SCFD1: variants seen among roughly 807,000 people sequenced by gnomAD.
The protein encoded by SCFD1 is sec1 family domain containing 1.
Under a neutral mutation model 103.2 loss-of-function variants are expected in SCFD1, and 37 were observed. The observed-to-expected ratio is 0.36, with a 90% CI of 0.28 to 0.47. The LOEUF (loss-of-function observed/expected upper bound fraction) is 0.47. Ranked by LOEUF, SCFD1 falls within the 20% of genes least tolerant of loss-of-function variation. SCFD1 has a pLI of 1.00. For synonymous variants in SCFD1, 264 were observed against 245.0 expected (o/e 1.08, Z -0.73); for missense variants, 639 against 761.2 (o/e 0.84, Z 1.89).
intron 14 of SCFD1, chr14:30,683,122 G>A: frequency 8.1e-7 from 1 of 1,236,070 alleles, no homozygotes. Flanking sequence ...TTTTTCCAGG[G>A]TTTGGCAGCA....
In SCFD1 at chr14:30,670,517, C is replaced by A. The variant is rs941103467; in HGVS notation, c.995+122C>A. On this transcript the variant is annotated intron_variant, in intron 11 of 24. Transcript: ENST00000458591. The stretch of plus-strand genomic sequence containing the variant: ...GGTTCGTTCACCCAATGAGTGGGGG[C>A]TGTAATTAGATAGTCTGTAGATATT... The A allele has an allele frequency of 1.7e-5, 10 of 580,154 alleles. No homozygotes were observed. In the African/African-American group the frequency reaches 2.0e-4, roughly 11 times the overall value. The allele number at this position is 580,154 out of a possible 1,614,324, so 35.9% of individuals were successfully genotyped here.
intron 23 of SCFD1, among the ~76,000 whole-genome samples, chr14:30,726,063 T>C (rs1245558841): frequency 2.0e-5 from 3 of 152,236 alleles, no homozygotes; most frequent in Non-Finnish European, 4.4e-5. Context: ...TTCCACACGC[T>C]CTTACCCTTG....
intron 11 of SCFD1, among the ~76,000 whole-genome samples, chr14:30,671,416 A>G (rs944264860): frequency 6.6e-6 from 1 of 152,134 alleles, no homozygotes; most frequent in African/African-American, 2.4e-5. Context: ...GAAGTACAAG[A>G]AATTACTTTT....
intron 15 of SCFD1, among the ~76,000 whole-genome samples, chr14:30,696,192 T>A (rs1474198596): frequency 1.3e-5 from 2 of 152,240 alleles, no homozygotes; most frequent in African/African-American, 2.4e-5. Context: ...AAGTCCAAAC[T>A]GTTTTATAAT....
chr14:30,627,289 G>A (rs1265663129), intron 1 of SCFD1, among the ~76,000 whole-genome samples: 2 of 152,180 alleles, frequency 1.3e-5, no homozygotes, highest in Non-Finnish European at 2.9e-5. Context: ...TACTATATGG[G>A]AAAGTCTGTT....
intron 14 of SCFD1, among the ~76,000 whole-genome samples, chr14:30,684,916 T>C (rs1889855238): frequency 1.0e-5 from 1 of 98,348 alleles, no homozygotes; most frequent in African/African-American, 4.6e-5. Context: ...CCCACTAACG[T>C]GTCATCTAGC....
intron 10 of SCFD1, among the ~76,000 whole-genome samples, chr14:30,657,453 A>G (rs1374144892): frequency 2.0e-5 from 3 of 152,214 alleles, no homozygotes; most frequent in Non-Finnish European, 4.4e-5. Flanking sequence ...GCCTTTATAC[A>G]ATTTTTATTT....
intron 12 of SCFD1, 79 bp downstream of exon 12, chr14:30,673,426 CT>C: frequency 1.4e-6 from 1 of 709,346 alleles, no homozygotes. Flanking sequence ...GGTTTTTTTC[CT>C]TATAAAAATT....
At chr14:30,690,506 T>C (rs1266609860) in intron 14 of SCFD1, among the ~76,000 whole-genome samples, 1 of 120,532 alleles carries the variant, frequency 8.3e-6, no homozygotes, top group Non-Finnish European at 1.6e-5. Context: ...TGGGATATAG[T>C]CTCGTGGTGC....
intron 6 of SCFD1, among the ~76,000 whole-genome samples, chr14:30,640,814 A>G (rs1382909199): frequency 6.6e-6 from 1 of 152,152 alleles, no homozygotes; most frequent in African/African-American, 2.4e-5. Context: ...AATTTGCTAA[A>G]TATTCGTATA....
chr14:30,651,971 C>T (rs563477957), intron 9 of SCFD1, among the ~76,000 whole-genome samples: 2 of 152,136 alleles, frequency 1.3e-5, no homozygotes, highest in Non-Finnish European at 2.9e-5. Flanking sequence ...CACACCACAA[C>T]CCCCTATAAC....
chr14:30,697,366 A>T (rs951375075), intron 15 of SCFD1, among the ~76,000 whole-genome samples: 3 of 152,242 alleles, frequency 2.0e-5, no homozygotes, highest in African/African-American at 7.2e-5. Flanking sequence ...AAAATAAATA[A>T]TAACAGATTA....
intron 4 of SCFD1, among the ~76,000 whole-genome samples, chr14:30,636,231 A>T (rs1204951596): frequency 6.6e-6 from 1 of 150,468 alleles, no homozygotes; most frequent in African/African-American, 2.4e-5. Context: ...TTTGAAGCAC[A>T]AACATTTTTG....
intron 20 of SCFD1, among the ~76,000 whole-genome samples, chr14:30,716,687 T>C (rs571766853): frequency 9.2e-5 from 14 of 152,302 alleles, no homozygotes; most frequent in African/African-American, 3.1e-4. Context: ...CCCTATAGAT[T>C]TGGCAGTGAG....
Position 30,722,476 on chromosome 14 carries a change from A to C in SCFD1, c.1771-18A>C, listed in dbSNP as rs1449118330. 6.8e-7 allele frequency: 1 copy of C among 1,472,206 alleles called. No homozygotes were observed. 91.2% of individuals were successfully genotyped at this position (1,472,206 alleles called of 1,614,324 possible). ...CTAAAAACTGTGTTTTTTTTTTTTT[A>C]ATCTGTTTGCATTTTAGGCCATTGT... is the stretch of plus-strand genomic sequence containing the variant. On this transcript the variant is annotated intron_variant, in intron 22 of 24. Coordinates refer to ENST00000458591, the MANE Select transcript of SCFD1 (RefSeq NM_016106.4).
At chr14:30,629,886 A>C (rs1883923073) in intron 2 of SCFD1, among the ~76,000 whole-genome samples, 1 of 151,784 alleles carries the variant, frequency 6.6e-6, no homozygotes. Context: ...CAGGGACTTA[A>C]TTTTTTTTAA....
intron 9 of SCFD1, among the ~76,000 whole-genome samples, chr14:30,651,692 T>A (rs895303166): frequency 1.4e-4 from 21 of 152,178 alleles, no homozygotes; most frequent in Non-Finnish European, 2.1e-4. Context: ...ATAATTTTTT[T>A]AAATTTATTC....
At chr14:30,733,274 C>T (rs1893611571) in intron 23 of SCFD1, among the ~76,000 whole-genome samples, 2 of 152,118 alleles carry the variant, frequency 1.3e-5, no homozygotes, top group Admixed American at 1.3e-4. Context: ...TCCCAAAGTG[C>T]TGAGATTACA....
In SCFD1 at chr14:30,694,708, G is replaced by A. The variant is rs563582196; in HGVS notation, c.1243-65G>A. On this transcript the variant is annotated intron_variant, in intron 14 of 24. Coordinates refer to ENST00000458591, the MANE Select transcript of SCFD1 (RefSeq NM_016106.4). ...ATCATAGAAAATAGAAACTTATAAG[G>A]TGAGTAGATCATTATGTATTTTAAT... The A allele has an allele frequency of 3.3e-6, 5 of 1,499,054 alleles. No individual in the cohort carries two copies. In the East Asian group the frequency reaches 1.3e-4, roughly 38 times the overall value. 92.9% of individuals were successfully genotyped at this position (1,499,054 alleles called of 1,614,324 possible).
Sources: gnomAD v4.1 joint callset for allele counts (sites outside exome capture counted in the v4.1 genomes callset) on GRCh38, gnomAD v4.1.1 for gene constraint, MANE v1.5 for transcripts, NCBI Gene and HGNC (gene_info 2026-07-23, HGNC 2026-07-21) for gene names.